SPP2: variants seen among roughly 807,000 people sequenced by gnomAD.
SPP2 encodes secreted phosphoprotein 2.
SPP2 carries 34 observed loss-of-function variants against 28.8 expected under a neutral mutation model. The ratio of observed to expected loss-of-function variants is 1.18; its 90% CI spans 0.90 to 1.57. The LOEUF (loss-of-function observed/expected upper bound fraction) is 1.57. Among genes scored for constraint, SPP2 ranks in the 40% most tolerant of loss-of-function variants. The pLI is 0.00. For synonymous variants in SPP2, 96 were observed against 89.4 expected (o/e 1.07, Z -0.42); for missense variants, 269 against 263.9 (o/e 1.02, Z -0.13).
intron 2 of SPP2, among the ~76,000 whole-genome samples, chr2:234,056,672 C>A (rs1466405225): frequency 6.6e-6 from 1 of 152,078 alleles, no homozygotes; most frequent in East Asian, 1.9e-4. Flanking sequence ...TGGAGGGCCC[C>A]AAACAATGGA....
At chr2:234,073,190 C>A (rs547239083) in intron 7 of SPP2, among the ~76,000 whole-genome samples, 2 of 152,212 alleles carry the variant, frequency 1.3e-5, no homozygotes, top group Admixed American at 1.3e-4. Flanking sequence ...GCCTGGCCGA[C>A]CATAAACTTC....
At chr2:234,053,922 G>C (rs1476276146) in intron 2 of SPP2, among the ~76,000 whole-genome samples, 1 of 152,088 alleles carries the variant, frequency 6.6e-6, no homozygotes, top group Admixed American at 6.5e-5. Context: ...AAAGGAGATG[G>C]GGAGGGAGGG....
intron 2 of SPP2, among the ~76,000 whole-genome samples, chr2:234,056,824 TCTA>T (rs1166021056): frequency 6.6e-6 from 1 of 152,072 alleles, no homozygotes; most frequent in African/African-American, 2.4e-5. Context: ...TTCAGAAAAT[TCTA>T]CTTTTATCAG....
At chr2:234,065,203 A>G (rs1309190610) in intron 4 of SPP2, among the ~76,000 whole-genome samples, 1 of 152,186 alleles carries the variant, frequency 6.6e-6, no homozygotes. Context: ...CAGTTTCTAT[A>G]CATTTTTGTC....
chr2:234,064,543 C>T (rs181152705), intron 4 of SPP2, among the ~76,000 whole-genome samples: 6 of 151,922 alleles, frequency 3.9e-5, no homozygotes, highest in Admixed American at 2.6e-4. Flanking sequence ...TGTTTTGATA[C>T]CCCCCTTTAA....
intron 4 of SPP2, among the ~76,000 whole-genome samples, chr2:234,064,124 C>T (rs1693772951): frequency 6.9e-6 from 1 of 145,634 alleles, no homozygotes; most frequent in Non-Finnish European, 1.5e-5. Context: ...CTCCCCTCTG[C>T]CCCTCCCTCT....
At position 234,067,200 on chromosome 2, in the gene SPP2, C is replaced by T. The variant is rs77239052; in HGVS notation, c.500-24C>T. 1,001 of 1,608,682 alleles carry T rather than the reference C, an allele frequency of 6.2e-4. 4 individuals carry two copies. The African/African-American group carries it at 8.6e-3, about 14-fold the overall frequency. On this transcript the variant is annotated intron_variant, in intron 5 of 7. Coordinates refer to ENST00000168148, the MANE Select transcript of SPP2 (RefSeq NM_006944.3). ...TCTGGAACAGTGAGAGGAGTCTTGT[C>T]TTATGATTATTACTGTGTTACAGGT...
chr2:234,060,267 T>C, intron 3 of SPP2, 102 bp from the exon 4 acceptor site: 1 of 789,408 alleles, frequency 1.3e-6, no homozygotes, highest in Admixed American at 2.4e-5. Context: ...TTTTTCTTTG[T>C]CATTTCGTCA....
At chr2:234,057,209 ACT>A (rs1339169419) in intron 2 of SPP2, among the ~76,000 whole-genome samples, 2 of 151,942 alleles carry the variant, frequency 1.3e-5, no homozygotes, top group Admixed American at 6.5e-5. Context: ...TGCTCTTAAA[ACT>A]CTGTGATAGC....
intron 4 of SPP2, among the ~76,000 whole-genome samples, chr2:234,066,050 C>G (rs1488089949): frequency 1.3e-5 from 2 of 152,188 alleles, no homozygotes; most frequent in Non-Finnish European, 2.9e-5. Context: ...ACAGGGAGGA[C>G]AGCCTACCAA....
chr2:234,062,820 T>C (rs898125729), intron 4 of SPP2, among the ~76,000 whole-genome samples: 2 of 152,206 alleles, frequency 1.3e-5, no homozygotes, highest in African/African-American at 4.8e-5. Flanking sequence ...TCTGATTGTT[T>C]GCAAAGCCTA....
chr2:234,058,934 T>G lies in SPP2; in HGVS notation c.309T>G (p.Cys103Trp). 6.2e-7 allele frequency: 1 copy of G among 1,614,038 alleles called. No individual in the cohort carries two copies. Among genetic ancestry groups the G allele is most frequent in the Non-Finnish European group, 8.5e-7 (1 of 1,179,950 alleles). Reference protein sequence around the residue: ...RKDSGEDPATCAFQRDYYVST... With the variant: ...RKDSGEDPATWAFQRDYYVST... The stretch of plus-strand genomic sequence containing the variant: ...ATTCTGGAGAAGATCCCGCTACATG[T>G]GCCTTCCAGAGGGACTACTATGTGG... Residue 103 changes from cysteine to tryptophan, a missense_variant, in exon 3 of 8, where the codon TGT becomes TGG. Physicochemically the swap from Cys to Trp is radical, Grantham distance 215. Coordinates refer to ENST00000168148, the MANE Select transcript of SPP2 (RefSeq NM_006944.3).
In SPP2 at chr2:234,058,954, A is replaced by G. The variant is rs886302747; in HGVS notation, c.329A>G (p.Tyr110Cys). The stretch of plus-strand genomic sequence containing the variant: ...ACATGTGCCTTCCAGAGGGACTACT[A>G]TGTGGTAAGTGGGAGGAGACCCATC... The part of the protein sequence containing the change: ...PATCAFQRDY[Y>C]VSTAVCRSTV... The change falls in exon 3 of 8, where the codon TAT becomes TGT. Residue 110 changes from tyrosine (Y) to cysteine (C), a missense_variant. Coordinates refer to ENST00000168148, the MANE Select transcript of SPP2 (RefSeq NM_006944.3). 1.2e-6 allele frequency: 2 copies of G among 1,613,040 alleles called. No homozygotes were observed. Among genetic ancestry groups the G allele is most frequent in the African/African-American group, 1.3e-5 (1 of 74,866 alleles).
Position 234,066,226 on chromosome 2 carries a change from G to A in SPP2, c.445-307G>A, listed in dbSNP as rs146756248. Among the ~76,000 whole-genome samples, 539 of 152,294 alleles carry A rather than the reference G, an allele frequency of 3.5e-3. 5 individuals carry two copies. The highest frequency in any genetic ancestry group is 0.013 in the African/African-American group (521 of 41,568). On this transcript the variant is annotated intron_variant, in intron 4 of 7. Coordinates refer to ENST00000168148, the MANE Select transcript of SPP2 (RefSeq NM_006944.3). ...CTAAAATTCGATCTAAACTTAGTCTGTGTGCAAGTCTGTGTAACAGGGTTT... is the reference window on the plus strand; with the variant it reads ...CTAAAATTCGATCTAAACTTAGTCTATGTGCAAGTCTGTGTAACAGGGTTT...
At chr2:234,067,850 G>T (rs1187891625) in intron 6 of SPP2, among the ~76,000 whole-genome samples, 1 of 141,680 alleles carries the variant, frequency 7.1e-6, no homozygotes, top group Non-Finnish European at 1.5e-5. Context: ...CAGGAAATAA[G>T]CATTCACCAT....
rs1690914164 is a variant in SPP2 at position 234,077,126 on chromosome 2, T to C, written c.*292T>C. 1 of 152,180 alleles carries C rather than the reference T, an allele frequency of 6.6e-6. No individual in the cohort carries two copies. The highest frequency in any genetic ancestry group is 2.4e-5 in the African/African-American group (1 of 41,416). The allele number at this position is 152,180 out of a possible 1,614,324, so 9.4% of individuals were successfully genotyped here. On this transcript the variant is annotated 3_prime_UTR_variant, in exon 8 of 8. Coordinates refer to ENST00000168148, the MANE Select transcript of SPP2 (RefSeq NM_006944.3). The stretch of plus-strand genomic sequence containing the variant: ...TCAATCTGTAATAAATGCCTTATTT[T>C]TCCTGTAAGACTTTTTCTTTCGTTG...
intron 6 of SPP2, 135 bp downstream of exon 6, chr2:234,067,409 A>C (rs1049454431): frequency 1.2e-6 from 1 of 861,272 alleles, no homozygotes; most frequent in Admixed American, 2.5e-5. Context: ...TAAGTAAAAA[A>C]GGAAAAGAAT....
intron 4 of SPP2, among the ~76,000 whole-genome samples, chr2:234,064,275 C>G (rs1693776233): frequency 6.6e-6 from 1 of 150,976 alleles, no homozygotes; most frequent in Admixed American, 6.6e-5. Flanking sequence ...GTCACTGTGC[C>G]TTCTGCACTC....
At chr2:234,058,125 A>G (rs567581563) in intron 2 of SPP2, among the ~76,000 whole-genome samples, 2 of 152,302 alleles carry the variant, frequency 1.3e-5, no homozygotes, top group Admixed American at 6.5e-5. Flanking sequence ...ATTCATTAAC[A>G]TTGAACTCAC....
Sources: allele counts gnomAD v4.1 joint callset (sites outside exome capture counted in the v4.1 genomes callset), GRCh38; gene constraint gnomAD v4.1.1; transcripts MANE v1.5; gene names NCBI Gene and HGNC (gene_info 2026-07-23, HGNC 2026-07-21).